Variants in PCDHGA7 observed in about 807,000 individuals in gnomAD.
PCDHGA7 encodes the protein protocadherin gamma subfamily A, 7.
In PCDHGA7, 44 loss-of-function variants were observed where a neutral mutation model predicts 58.3. The ratio of observed to expected loss-of-function variants is 0.75; its 90% CI spans 0.59 to 0.97. The LOEUF (loss-of-function observed/expected upper bound fraction) is 0.97, where lower values mean the gene tolerates loss of function less well. PCDHGA7 is among the 50% of genes least tolerant of loss of function. The probability of loss-of-function intolerance (pLI) is 0.00; values close to 1 mark genes in which losing one functional copy is unlikely to be tolerated. For synonymous variants in PCDHGA7, 516 were observed against 504.2 expected (o/e 1.02, Z -0.31); for missense variants, 1,266 against 1,188.7 (o/e 1.06, Z -0.96).
intron 1 of PCDHGA7, chr5:141,414,917 T>A: frequency 6.2e-7 from 1 of 1,614,148 alleles, no homozygotes; most frequent in Non-Finnish European, 8.5e-7. Context: ...GGCGTGGAGC[T>A]GGCGCCCCGC....
chr5:141,461,423 C>T lies in PCDHGA7; in HGVS notation c.2425-33384C>T, dbSNP rs1005977255. 3.9e-5 allele frequency among the ~76,000 whole-genome samples: 6 copies of T among 151,938 alleles called. No individual in the cohort carries two copies. In the South Asian group the frequency reaches 6.2e-4, roughly 16 times the overall value. On this transcript the variant is annotated intron_variant, in intron 1 of 3. Coordinates refer to ENST00000518325, the MANE Select transcript of PCDHGA7 (RefSeq NM_018920.4). ...AGCATTTTTTCATATGTTTGTGGGC[C>T]ATTTGTATACCTTCTTTTGAGAAAT... is the stretch of plus-strand genomic sequence containing the variant.
At chr5:141,414,061 T>C in intron 1 of PCDHGA7, 1 of 1,609,248 alleles carries the variant, frequency 6.2e-7, no homozygotes, top group Non-Finnish European at 8.5e-7. Flanking sequence ...ATTGTTGAAG[T>C]TCCAACTAAA....
chr5:141,483,013 A>C (rs2154579792), intron 1 of PCDHGA7, among the ~76,000 whole-genome samples: 1 of 152,106 alleles, frequency 6.6e-6, no homozygotes, highest in Middle Eastern at 3.4e-3. Flanking sequence ...TGAACCCGGG[A>C]GGCAGAGGTT....
chr5:141,501,311 AC>A (rs2099807696), intron 2 of PCDHGA7, among the ~76,000 whole-genome samples: 1 of 151,670 alleles, frequency 6.6e-6, no homozygotes, highest in Non-Finnish European at 1.5e-5. Context: ...ACACACACAC[AC>A]ACACACACAC....
At chr5:141,392,987 G>T in intron 1 of PCDHGA7, 1 of 1,613,930 alleles carries the variant, frequency 6.2e-7, no homozygotes. Context: ...ACCCCCGGAA[G>T]CTGGCGAAGC....
intron 3 of PCDHGA7, 154 bp from the exon 4 acceptor site, chr5:141,510,793 G>A: frequency 1.1e-6 from 1 of 935,078 alleles, no homozygotes; most frequent in Non-Finnish European, 1.3e-6. Context: ...CTCTTGTGAA[G>A]AGAGACTACC....
Position 141,477,782 on chromosome 5 carries a change from T to G in PCDHGA7, c.2425-17025T>G, listed in dbSNP as rs763675478. 1.2e-5 allele frequency: 20 copies of G among 1,613,902 alleles called. No individual in the cohort carries two copies. Among genetic ancestry groups the G allele is most frequent in the Non-Finnish European group, 1.7e-5 (20 of 1,180,042 alleles). ...AGCCACCAACATCAGCGTGAACATA[T>G]TTGTCACTGATCGCAATGACAATGC... On this transcript the variant is annotated intron_variant, in intron 1 of 3. Coordinates refer to ENST00000518325, the MANE Select transcript of PCDHGA7 (RefSeq NM_018920.4). The surrounding 1 kb of genome is among the most constrained non-coding windows in gnomAD (Gnocchi z 4.9).
At position 141,505,504 on chromosome 5, in the gene PCDHGA7, T is replaced by C. The variant is rs756583857; in HGVS notation, c.2572+23T>C. The C allele has an allele frequency of 9.3e-6, 15 of 1,614,020 alleles. No individual in the cohort carries two copies. The African/African-American group carries it at 1.2e-4, about 13-fold the overall frequency. ...GTGGTAAGTGGTGTCAGTGTGTGTA[T>C]GGAAGAGTGGGAGACCTGGGGTTCT... On this transcript the variant is annotated intron_variant, in intron 3 of 3. Transcript: ENST00000518325.
intron 1 of PCDHGA7, chr5:141,403,791 A>T: frequency 6.2e-7 from 1 of 1,613,900 alleles, no homozygotes. Context: ...GTGGCATACA[A>T]ATTCTGGAAA....
chr5:141,395,131 C>A, intron 1 of PCDHGA7: 12 of 1,614,202 alleles, frequency 7.4e-6, no homozygotes, highest in Non-Finnish European at 1.0e-5. Context: ...TTTCCCCAGC[C>A]CAACTACGCA....
chr5:141,432,104 C>T lies in PCDHGA7; in HGVS notation c.2424+46781C>T. The stretch of plus-strand genomic sequence containing the variant: ...GAACGTGGCAGACACCAACGACAAC[C>T]CGCCGGTCTTCCCTCAGGCCTCCTA... On this transcript the variant is annotated intron_variant, in intron 1 of 3. Coordinates refer to ENST00000518325, the MANE Select transcript of PCDHGA7 (RefSeq NM_018920.4). This position sits in a 1 kb window ranked among gnomAD's most constrained non-coding sequence, Gnocchi z 6.0. 1 of 1,614,204 alleles carries T rather than the reference C, an allele frequency of 6.2e-7. No individual in the cohort carries two copies. The highest frequency in any genetic ancestry group is 1.7e-5 in the Admixed American group (1 of 60,026).
At position 141,511,032 on chromosome 5, in the gene PCDHGA7, G is replaced by T. The variant is rs779589499; in HGVS notation, c.2658G>T (p.Gln886His). 6.2e-7 allele frequency: 1 copy of T among 1,614,228 alleles called. No individual in the cohort carries two copies. Among genetic ancestry groups the T allele is most frequent in the South Asian group, 1.1e-5 (1 of 91,090 alleles). ...GCTACGGACCCCAGTTCACCCTGCAGCACGTGCCCGACTACCGCCAGAATG... is the reference window on the plus strand; with the variant it reads ...GCTACGGACCCCAGTTCACCCTGCATCACGTGCCCGACTACCGCCAGAATG... ...SARYGPQFTLQHVPDYRQNVY... is the reference protein window; with the variant it reads ...SARYGPQFTLHHVPDYRQNVY... Residue 886 changes from glutamine (Q) to histidine (H), a missense_variant, in exon 4 of 4, where the codon CAG (glutamine) becomes CAT (histidine). Gln to His is a conservative substitution (Grantham distance 24, BLOSUM62 0). Coordinates refer to ENST00000518325, the MANE Select transcript of PCDHGA7 (RefSeq NM_018920.4).
At chr5:141,406,870 G>T (rs903338003) in intron 1 of PCDHGA7, among the ~76,000 whole-genome samples, 1 of 152,230 alleles carries the variant, frequency 6.6e-6, no homozygotes, top group Non-Finnish European at 1.5e-5. Flanking sequence ...CTCAGGAACT[G>T]CTGGGAAGAT....
chr5:141,403,262 G>C (rs1162911439), intron 1 of PCDHGA7: 1 of 1,613,868 alleles, frequency 6.2e-7, no homozygotes, highest in Middle Eastern at 1.6e-4. Context: ...GCGGTGTCTG[G>C]TGAACTTTAA....
intron 2 of PCDHGA7, among the ~76,000 whole-genome samples, chr5:141,500,838 GGCTTTT>G (rs2099802886): frequency 6.6e-6 from 1 of 151,878 alleles, no homozygotes. Flanking sequence ...AATGCTAATG[GGCTTTT>G]GCTACATTAG....
chr5:141,495,833 G>A (rs559689667), intron 2 of PCDHGA7, among the ~76,000 whole-genome samples: 3 of 151,876 alleles, frequency 2.0e-5, no homozygotes, highest in African/African-American at 4.8e-5. Context: ...TCTATCCCCA[G>A]CCTCTATGTT....
At chr5:141,401,728 T>G (rs1476616709) in intron 1 of PCDHGA7, among the ~76,000 whole-genome samples, 2 of 152,174 alleles carry the variant, frequency 1.3e-5, no homozygotes, top group Non-Finnish European at 2.9e-5. Context: ...AAACTACTAG[T>G]CTTGTGTACA....
intron 1 of PCDHGA7, chr5:141,403,212 CG>C (rs1561686781): frequency 6.2e-7 from 1 of 1,613,952 alleles, no homozygotes; most frequent in African/African-American, 1.3e-5. Context: ...TTGGTCACCG[CG>C]GGTAGGATAG....
At position 141,485,049 on chromosome 5, in the gene PCDHGA7, G is replaced by A; in HGVS notation, c.2425-9758G>A. The A allele has an allele frequency of 1.3e-6, 1 of 780,438 alleles. No individual in the cohort carries two copies. 48.3% of individuals were successfully genotyped at this position (780,438 alleles called of 1,614,324 possible). ...AACGGCGCGTAACCCTTGCGGCGCC[G>A]GCCGAACCGCGCCAGAGCTGGCGCG... On this transcript the variant is annotated intron_variant, in intron 1 of 3. Coordinates refer to ENST00000518325, the MANE Select transcript of PCDHGA7 (RefSeq NM_018920.4). This position sits in a 1 kb window ranked among gnomAD's most constrained non-coding sequence, Gnocchi z 5.7.
Sources: gnomAD v4.1 joint callset for allele counts (sites outside exome capture counted in the v4.1 genomes callset) on GRCh38, gnomAD v4.1.1 for gene constraint, Gnocchi (gnomAD v3.1) non-coding constraint, MANE v1.5 for transcripts, NCBI Gene and HGNC (gene_info 2026-07-23, HGNC 2026-07-21) for gene names.